Variants in TRAPPC9 observed in about 807,000 individuals in gnomAD.
TRAPPC9 encodes trafficking protein particle complex subunit 9, also known as IKK2 binding protein.
A neutral mutation model predicts 124.0 loss-of-function variants in TRAPPC9; 83 were observed. The observed-to-expected ratio is 0.67, with a 90% CI of 0.56 to 0.80. The LOEUF (loss-of-function observed/expected upper bound fraction) is 0.80. Ranked by LOEUF, TRAPPC9 falls within the 30% of genes least tolerant of loss-of-function variation. The probability of loss-of-function intolerance (pLI) is 0.00; values close to 1 mark genes in which losing one functional copy is unlikely to be tolerated. For synonymous variants in TRAPPC9, 638 were observed against 617.5 expected, an observed-to-expected ratio of 1.03 and a Z score of -0.49; for missense variants, 1,302 against 1,508.3, an observed-to-expected ratio of 0.86 and a Z score of 2.27.
At position 140,371,179 on chromosome 8, in the gene TRAPPC9, A is replaced by C; in HGVS notation, c.1136T>G (p.Leu379Arg). 1 of 1,610,676 alleles carries C rather than the reference A, an allele frequency of 6.2e-7. No homozygotes were observed. The highest frequency in any genetic ancestry group is 8.5e-7 in the Non-Finnish European group (1 of 1,178,352). ...GCGCTGAATTTTCTCTTCCTCAGAA[A>C]GCTGAAGCACAGAGAGAAAGTAAAA... ...QNAVYINLRQ[L>R]SEEEKIQRYS... The change falls in exon 8 of 23, where the codon CTT becomes CGT. Residue 379 changes from leucine to arginine, a missense_variant and splice_region_variant. Leu to Arg is a moderately radical substitution (Grantham distance 102). Coordinates refer to ENST00000438773, the MANE Select transcript of TRAPPC9 (RefSeq NM_001160372.4).
intron 18 of TRAPPC9, among the ~76,000 whole-genome samples, chr8:140,019,178 C>T (rs1443850689): frequency 2.6e-5 from 4 of 152,188 alleles, no homozygotes; most frequent in East Asian, 1.9e-4. Context: ...GCTGTTTTGT[C>T]CCTTTCATAT....
chr8:140,421,513 G>T (rs565538235), intron 5 of TRAPPC9, among the ~76,000 whole-genome samples: 2 of 152,216 alleles, frequency 1.3e-5, no homozygotes, highest in Admixed American at 1.3e-4. Flanking sequence ...CTATACATCT[G>T]AGAGATATTT....
At chr8:140,384,865 C>A (rs1323256327) in intron 7 of TRAPPC9, among the ~76,000 whole-genome samples, 1 of 152,216 alleles carries the variant, frequency 6.6e-6, no homozygotes, top group East Asian at 1.9e-4. Context: ...ACAGAATATA[C>A]ATTCTTCTCA....
chr8:139,989,698 G>A (rs1368848716), intron 18 of TRAPPC9, among the ~76,000 whole-genome samples: 1 of 152,184 alleles, frequency 6.6e-6, no homozygotes, highest in Non-Finnish European at 1.5e-5. Context: ...AGGCGCTTGA[G>A]AGCCGTCACT....
At chr8:140,043,604 C>G (rs145090106) in intron 17 of TRAPPC9, among the ~76,000 whole-genome samples, 3 of 152,234 alleles carry the variant, frequency 2.0e-5, no homozygotes, top group Non-Finnish European at 4.4e-5. Context: ...TCTGAAGGAG[C>G]AGCTCTGCCC....
chr8:140,433,997 A>G (rs1420154977), intron 4 of TRAPPC9, among the ~76,000 whole-genome samples: 3 of 152,224 alleles, frequency 2.0e-5, no homozygotes, highest in Admixed American at 2.0e-4. Context: ...TCTACTTTTC[A>G]TTTGCATAGA....
At chr8:140,374,037 T>A (rs930571039) in intron 7 of TRAPPC9, among the ~76,000 whole-genome samples, 1 of 152,256 alleles carries the variant, frequency 6.6e-6, no homozygotes, top group African/African-American at 2.4e-5. Context: ...ATCTATCAGC[T>A]TTTTCTTCTA....
chr8:140,221,470 T>C lies in TRAPPC9; in HGVS notation c.2545A>G (p.Ser849Gly). ...CCATACCAACTCACCTTCACGTGGCTGTAGTCGCCTGCTTTGTTGCTCTCG... is the reference window on the plus strand; with the variant it reads ...CCATACCAACTCACCTTCACGTGGCCGTAGTCGCCTGCTTTGTTGCTCTCG... Reference protein sequence around the residue: ...PPESNKAGDYSHVKTLEAVLN... With the variant: ...PPESNKAGDYGHVKTLEAVLN... Residue 849 changes from serine (S) to glycine (G), a missense_variant, in exon 17 of 23, where the codon AGC becomes GGC. By Grantham distance (56) the Ser-to-Gly change is moderately conservative (BLOSUM62 0). Coordinates refer to ENST00000438773, the MANE Select transcript of TRAPPC9 (RefSeq NM_001160372.4). 6.2e-7 allele frequency: 1 copy of C among 1,614,100 alleles called. No individual in the cohort carries two copies. The highest frequency in any genetic ancestry group is 8.5e-7 in the Non-Finnish European group (1 of 1,179,982).
chr8:139,773,511 C>T (rs1458614536), intron 21 of TRAPPC9, among the ~76,000 whole-genome samples: 2 of 152,152 alleles, frequency 1.3e-5, no homozygotes, highest in Admixed American at 6.5e-5. Flanking sequence ...CCCCGGTGGA[C>T]GGACCTCAGA....
chr8:140,046,047 G>A (rs201797456), intron 17 of TRAPPC9, among the ~76,000 whole-genome samples: 1 of 151,992 alleles, frequency 6.6e-6, no homozygotes, highest in African/African-American at 2.4e-5. Flanking sequence ...CTAGATGGGA[G>A]GATGGGACTC....
At chr8:139,970,231 C>T (rs1286880152) in intron 19 of TRAPPC9, among the ~76,000 whole-genome samples, 1 of 152,250 alleles carries the variant, frequency 6.6e-6, no homozygotes, top group African/African-American at 2.4e-5. Context: ...CAGGTCCCAG[C>T]TCTGCCGCCT....
chr8:140,332,207 T>C (rs1048541846), intron 9 of TRAPPC9, among the ~76,000 whole-genome samples: 1 of 152,202 alleles, frequency 6.6e-6, no homozygotes, highest in Non-Finnish European at 1.5e-5. Context: ...TAAAGGGCAT[T>C]ATGTTAAGTA....
At chr8:140,172,500 T>C (rs965441187) in intron 17 of TRAPPC9, among the ~76,000 whole-genome samples, 3 of 145,096 alleles carry the variant, frequency 2.1e-5, no homozygotes, top group African/African-American at 7.7e-5. Context: ...TTAAACTACC[T>C]CTGGACAATG....
intron 21 of TRAPPC9, among the ~76,000 whole-genome samples, chr8:139,756,649 G>A (rs1231409028): frequency 2.2e-4 from 29 of 132,232 alleles, no homozygotes; most frequent in South Asian, 7.9e-4. Context: ...ACAGCAGGTC[G>A]CAGGAGGAGC....
At chr8:140,307,323 G>T (rs1293431052) in intron 10 of TRAPPC9, among the ~76,000 whole-genome samples, 1 of 152,156 alleles carries the variant, frequency 6.6e-6, no homozygotes, top group Non-Finnish European at 1.5e-5. Flanking sequence ...TTTGAGCCCT[G>T]ACTCCAGCCC....
chr8:140,227,478 TAA>T (rs2063481527), intron 16 of TRAPPC9, among the ~76,000 whole-genome samples: 1 of 152,248 alleles, frequency 6.6e-6, no homozygotes, highest in Admixed American at 6.5e-5. Flanking sequence ...TCATCATGAA[TAA>T]AACTGAGCTT....
rs76679484 is a variant in TRAPPC9, at chr8:139,793,818, T to A, written c.3056-61616A>T. Among the ~76,000 whole-genome samples the A allele has an allele frequency of 3.3e-5, 5 of 152,332 alleles. No homozygotes were observed. The East Asian group carries it at 9.6e-4, about 29-fold the overall frequency. On this transcript the variant is annotated intron_variant, in intron 21 of 22. Transcript: ENST00000438773. ...GCTCCAGACAGTGGAAAAAGGGCAG[T>A]TCACTCACTAACCTGAGTCGGAATG...
intron 21 of TRAPPC9, among the ~76,000 whole-genome samples, chr8:139,866,172 G>A (rs940200839): frequency 6.6e-6 from 1 of 152,190 alleles, no homozygotes; most frequent in African/African-American, 2.4e-5. Flanking sequence ...TTAGCTAGCG[G>A]GCTTCAGAGA....
intron 2 of TRAPPC9, among the ~76,000 whole-genome samples, chr8:140,449,940 G>A (rs2071396375): frequency 6.6e-6 from 1 of 152,210 alleles, no homozygotes; most frequent in African/African-American, 2.4e-5. Flanking sequence ...GTACATTTCA[G>A]TTTCTAGTTG....
Sources: allele counts gnomAD v4.1 joint callset (sites outside exome capture counted in the v4.1 genomes callset), GRCh38; gene constraint gnomAD v4.1.1; transcripts MANE v1.5; gene names NCBI Gene and HGNC (gene_info 2026-07-23, HGNC 2026-07-21).